CRACD: variants seen among roughly 807,000 people sequenced by gnomAD.
CRACD encodes capping protein inhibiting regulator of actin dynamics.
In CRACD, 56 loss-of-function variants were observed where a neutral mutation model predicts 106.8. That is an observed-to-expected ratio of 0.52 (90% confidence interval 0.42 to 0.66). CRACD has a LOEUF of 0.66. Ranked by LOEUF, CRACD falls within the 30% of genes least tolerant of loss-of-function variation. The probability of loss-of-function intolerance (pLI) is 0.00; values close to 1 mark genes in which losing one functional copy is unlikely to be tolerated. For synonymous variants in CRACD, 754 were observed against 670.8 expected (o/e 1.12, Z -1.92); for missense variants, 1,730 against 1,623.2 (o/e 1.07, Z -1.13).
Position 56,049,309 on chromosome 4 carries a change from T to C in CRACD, c.-336+10T>C, listed in dbSNP as rs1011720793. On this transcript the variant is annotated intron_variant, in intron 1 of 10. Transcript: ENST00000682029. ...CAGGCGGGGACCTCAGGTGAGCGCC[T>C]GCTCGGCCCGCGGCCGGAGCCAGAC... 2 of 151,596 alleles carry C rather than the reference T, an allele frequency of 1.3e-5. No homozygotes were observed. Among genetic ancestry groups the C allele is most frequent in the African/African-American group, 2.4e-5 (1 of 41,360 alleles). The allele number at this position is 151,596 out of a possible 1,614,324, so 9.4% of individuals were successfully genotyped here. A position where few individuals can be genotyped will look rare whatever the true frequency, so the allele number is the denominator to read the frequency against.
intron 1 of CRACD, among the ~76,000 whole-genome samples, chr4:56,162,281 A>G (rs535834542): frequency 1.3e-5 from 2 of 152,020 alleles, no homozygotes; most frequent in South Asian, 4.2e-4. Context: ...TGTAACCTCT[A>G]ACTCCTGGGC....
At position 56,272,755 on chromosome 4, in the gene CRACD, TATG is replaced by T. The variant is rs573451106; in HGVS notation, c.-17+264_-17+266del. ...AAAAAGTACAAAAAAATTAGCCAGG[TATG>T]GTGGTGTACACCTGTAATCCCAGGT... On this transcript the variant is annotated intron_variant, in intron 3 of 10. Transcript: ENST00000682029. Among the ~76,000 whole-genome samples the T allele has an allele frequency of 1.1e-3, 174 of 152,020 alleles. 2 individuals carry two copies. Among genetic ancestry groups the T allele is most frequent in the Admixed American group, 8.6e-3 (131 of 15,258 alleles).
intron 3 of CRACD, among the ~76,000 whole-genome samples, chr4:56,288,944 G>A (rs1341946635): frequency 6.6e-6 from 1 of 152,102 alleles, no homozygotes; most frequent in Admixed American, 6.5e-5. Flanking sequence ...TTCTTAAAAA[G>A]GAAGGAAATT....
chr4:56,120,706 A>C lies in CRACD; in HGVS notation c.-335-58578A>C, dbSNP rs374402482. ...AAAAATTTAAATCTAATGTGAAAAT[A>C]AGATAGATAGAATCCCATAGTAACT... On this transcript the variant is annotated intron_variant, in intron 1 of 10. Transcript: ENST00000682029. 3.5e-4 allele frequency among the ~76,000 whole-genome samples: 54 copies of C among 152,366 alleles called. No homozygotes were observed. In the East Asian group the frequency reaches 4.6e-3, roughly 13 times the overall value.
intron 3 of CRACD, among the ~76,000 whole-genome samples, chr4:56,289,576 G>T (rs1224353146): frequency 1.3e-5 from 2 of 152,146 alleles, no homozygotes; most frequent in Non-Finnish European, 1.5e-5. Context: ...GGGAGGCTGA[G>T]GTGGGAGGAT....
intron 8 of CRACD, among the ~76,000 whole-genome samples, chr4:56,321,931 T>G (rs1746130169): frequency 1.3e-5 from 2 of 152,158 alleles, no homozygotes; most frequent in Non-Finnish European, 2.9e-5. Context: ...AATTTCTAAT[T>G]TGAATTTATT....
intron 1 of CRACD, among the ~76,000 whole-genome samples, chr4:56,154,385 A>C (rs556028869): frequency 2.5e-4 from 38 of 152,224 alleles, no homozygotes; most frequent in African/African-American, 8.7e-4. Flanking sequence ...AGTATACCTT[A>C]AGCCCAGGAG....
At chr4:56,144,061 A>G (rs1343346747) in intron 1 of CRACD, among the ~76,000 whole-genome samples, 1 of 152,200 alleles carries the variant, frequency 6.6e-6, no homozygotes, top group Non-Finnish European at 1.5e-5. Context: ...AAGTAGGAAT[A>G]TCCATTTGAG....
chr4:56,188,850 C>G (rs1403140440), intron 2 of CRACD, among the ~76,000 whole-genome samples: 1 of 142,012 alleles, frequency 7.0e-6, no homozygotes, highest in Non-Finnish European at 1.5e-5. Context: ...TATCTCATTT[C>G]CTCCACCCTC....
intron 4 of CRACD, among the ~76,000 whole-genome samples, chr4:56,303,117 G>A (rs1368584603): frequency 6.6e-6 from 1 of 152,148 alleles, no homozygotes; most frequent in African/African-American, 2.4e-5. Flanking sequence ...GGTCGAGGTG[G>A]GTGGATCACT....
intron 1 of CRACD, among the ~76,000 whole-genome samples, chr4:56,060,363 A>G (rs187547385): frequency 6.6e-5 from 10 of 152,214 alleles, no homozygotes; most frequent in African/African-American, 2.2e-4. Flanking sequence ...GTGCTGTGAG[A>G]GCACAGGGGA....
chr4:56,210,074 G>A (rs1156369622), intron 2 of CRACD, among the ~76,000 whole-genome samples: 1 of 152,146 alleles, frequency 6.6e-6, no homozygotes, highest in Non-Finnish European at 1.5e-5. Flanking sequence ...GCTGGTTGAG[G>A]CACTGAGAAC....
intron 1 of CRACD, among the ~76,000 whole-genome samples, chr4:56,169,271 A>G (rs955951422): frequency 6.6e-6 from 1 of 152,236 alleles, no homozygotes; most frequent in African/African-American, 2.4e-5. Flanking sequence ...ACAGTTCCAT[A>G]TGGAAGGCCA....
Position 56,316,351 on chromosome 4 carries a change from A to G in CRACD, c.2849A>G (p.Lys950Arg), listed in dbSNP as rs760325011. The part of the protein sequence containing the change: ...SSQTPAPEHD[K>R]AANKMPLAQK... Reference sequence around the variant, plus strand: ...CAGACCCCGGCTCCGGAGCACGACAAGGCAGCAAACAAAATGCCACTGGCA... The same window carrying G: ...CAGACCCCGGCTCCGGAGCACGACAGGGCAGCAAACAAAATGCCACTGGCA... The change falls in exon 8 of 11, where the codon AAG (lysine) becomes AGG (arginine). Residue 950 changes from lysine (K) to arginine (R), a missense_variant. Lys to Arg is a conservative substitution (Grantham distance 26). Coordinates refer to ENST00000682029, the MANE Select transcript of CRACD (RefSeq NM_001393381.1). 25 of 1,613,966 alleles carry G rather than the reference A, an allele frequency of 1.5e-5. No homozygotes were observed. The highest frequency in any genetic ancestry group is 2.0e-5 in the Non-Finnish European group (24 of 1,179,934).
chr4:56,287,417 G>A (rs1273970428), intron 3 of CRACD, among the ~76,000 whole-genome samples: 1 of 151,988 alleles, frequency 6.6e-6, no homozygotes, highest in Non-Finnish European at 1.5e-5. Context: ...TGAGTAGCTG[G>A]GATTACAGGC....
chr4:56,163,491 G>A (rs979568009), intron 1 of CRACD, among the ~76,000 whole-genome samples: 1 of 151,566 alleles, frequency 6.6e-6, no homozygotes, highest in Non-Finnish European at 1.5e-5. Flanking sequence ...TGTTCATATA[G>A]AGTCCCCTTA....
At chr4:56,154,550 GAC>G (rs1261702429) in intron 1 of CRACD, among the ~76,000 whole-genome samples, 14 of 152,148 alleles carry the variant, frequency 9.2e-5, no homozygotes, top group Non-Finnish European at 1.8e-4. Flanking sequence ...AAAGGGGTGA[GAC>G]AGGAAAACAG....
At chr4:56,050,755 C>T (rs889898782) in intron 1 of CRACD, among the ~76,000 whole-genome samples, 1 of 128,480 alleles carries the variant, frequency 7.8e-6, no homozygotes, top group African/African-American at 3.6e-5. Context: ...CAGAAGTGGG[C>T]AGGGAAAAAA....
intron 1 of CRACD, among the ~76,000 whole-genome samples, chr4:56,093,112 A>T (rs1461348352): frequency 6.6e-6 from 1 of 152,080 alleles, no homozygotes; most frequent in African/African-American, 2.4e-5. Context: ...TTTCTTTGGC[A>T]GTTTATTTGG....
Sources: gnomAD v4.1 joint callset for allele counts (sites outside exome capture counted in the v4.1 genomes callset) on GRCh38, gnomAD v4.1.1 for gene constraint, MANE v1.5 for transcripts, NCBI Gene and HGNC (gene_info 2026-07-23, HGNC 2026-07-21) for gene names.